The following STK10 variants were observed in gnomAD, a reference collection of about 807,000 sequenced individuals.
STK10 encodes serine/threonine kinase 10.
A neutral mutation model predicts 113.8 loss-of-function variants in STK10; 78 were observed. That is an observed-to-expected ratio of 0.69 (90% CI 0.57 to 0.83). STK10 has a LOEUF of 0.83. Ranked by LOEUF, STK10 falls within the 40% of genes least tolerant of loss-of-function variation. The pLI, the probability that STK10 is intolerant of heterozygous loss-of-function variation, is 0.00. For synonymous variants in STK10, 465 were observed against 494.7 expected (o/e 0.94, Z 0.80); for missense variants, 1,109 against 1,280.1 (o/e 0.87, Z 2.04).
At chr5:172,172,076 G>A (rs6863993) in intron 1 of STK10, among the ~76,000 whole-genome samples, 6,049 of 152,240 alleles carry the variant, frequency 0.04, 367 homozygotes, top group African/African-American at 0.13. Flanking sequence ...TATAGTCCCA[G>A]CTACTCGGGA....
At chr5:172,070,669 A>G (rs1048443261) in intron 12 of STK10, among the ~76,000 whole-genome samples, 1 of 152,144 alleles carries the variant, frequency 6.6e-6, no homozygotes, top group African/African-American at 2.4e-5. Flanking sequence ...AATCAATGAA[A>G]CCAAAAGCTG....
chr5:172,045,319 G>A (rs1767472942), intron 18 of STK10: 1 of 548,032 alleles, frequency 1.8e-6, no homozygotes, highest in Non-Finnish European at 3.4e-6. Context: ...CCCCTGGCAG[G>A]AAAACAGCCA....
intron 1 of STK10, among the ~76,000 whole-genome samples, chr5:172,178,389 C>T (rs142444150): frequency 3.0e-4 from 46 of 152,246 alleles, no homozygotes; most frequent in Admixed American, 6.5e-4. Flanking sequence ...TCCCGCCTGC[C>T]GTACCAGGTG....
chr5:172,098,013 G>A (rs760901194), intron 7 of STK10, among the ~76,000 whole-genome samples: 11 of 152,176 alleles, frequency 7.2e-5, no homozygotes, highest in African/African-American at 1.4e-4. Flanking sequence ...ATGGGGTGGG[G>A]TGGGAGGCAT....
intron 3 of STK10, among the ~76,000 whole-genome samples, chr5:172,119,390 G>A (rs60862963): frequency 0.023 from 3,510 of 152,128 alleles, 141 homozygotes; most frequent in African/African-American, 0.081. Flanking sequence ...GTTCTGAGTG[G>A]GCCAGACACA....
intron 2 of STK10, among the ~76,000 whole-genome samples, chr5:172,146,143 A>G (rs1770082317): frequency 6.6e-6 from 1 of 152,200 alleles, no homozygotes; most frequent in South Asian, 2.1e-4. Context: ...TGCCCCCTGT[A>G]GAATGTAAAT....
At position 172,150,047 on chromosome 5, in the gene STK10, CAAAAAAAAAA is replaced by C. The variant is rs35745235; in HGVS notation, c.321+6567_321+6576del. Among the ~76,000 whole-genome samples, 75 of 87,110 alleles carry C rather than the reference CAAAAAAAAAA, an allele frequency of 8.6e-4. 1 individual carries two copies. The highest frequency in any genetic ancestry group is 8.4e-3 in the Admixed American group (60 of 7,136). 57.1% of individuals were successfully genotyped at this position (87,110 alleles called of 152,430 possible). A position where few individuals can be genotyped will look rare whatever the true frequency, so the allele number is the denominator to read the frequency against. ...GGGCAACAAGAACAAAACTTTGTCT[CAAAAAAAAAA>C]AAAAAAAAAAGAAAGAAAGACCTCC... On this transcript the variant is annotated intron_variant, in intron 2 of 18. Transcript: ENST00000176763.
rs34385866 is a variant in STK10 at position 172,139,900 on chromosome 5, C to CAAA, written c.322-12482_322-12480dup. On this transcript the variant is annotated intron_variant, in intron 2 of 18. Transcript: ENST00000176763. ...ATGGATATTACACCAAAAGCACAGC[C>CAAA]AAAAAAAAAAAAAAAAAACCCAAAA... Among the ~76,000 whole-genome samples the CAAA allele has an allele frequency of 8.8e-3, 809 of 92,180 alleles. 13 individuals carry two copies. Among genetic ancestry groups the CAAA allele is most frequent in the African/African-American group, 0.025 (640 of 25,584 alleles). 60.5% of individuals were successfully genotyped at this position (92,180 alleles called of 152,430 possible). A position where few individuals can be genotyped will look rare whatever the true frequency, so the allele number is the denominator to read the frequency against.
intron 1 of STK10, among the ~76,000 whole-genome samples, chr5:172,157,078 A>C (rs1770365335): frequency 6.6e-6 from 1 of 152,230 alleles, no homozygotes; most frequent in Non-Finnish European, 1.5e-5. Context: ...GAAGAAAAAA[A>C]CCCAAGTCAT....
intron 9 of STK10, among the ~76,000 whole-genome samples, chr5:172,091,532 T>C (rs1452178118): frequency 1.1e-5 from 1 of 87,254 alleles, no homozygotes; most frequent in East Asian, 2.2e-4. Context: ...TCAAAGCCTC[T>C]TTTTTTTTTT....
At chr5:172,152,687 G>C (rs1033726197) in intron 2 of STK10, among the ~76,000 whole-genome samples, 1 of 152,208 alleles carries the variant, frequency 6.6e-6, no homozygotes, top group Non-Finnish European at 1.5e-5. Flanking sequence ...AAACGTTTAA[G>C]AATGTTGGAA....
chr5:172,160,392 T>C (rs1770447105), intron 1 of STK10, among the ~76,000 whole-genome samples: 1 of 151,644 alleles, frequency 6.6e-6, no homozygotes. Context: ...GGAGAACTGC[T>C]TGAACCTGGG....
At position 172,043,242 on chromosome 5, in the gene STK10, G is replaced by GC. The variant is rs1454574663; in HGVS notation, c.*1639dup. Reference sequence around the variant, plus strand: ...CCCGAGTAGCTGGGATTATAGGCATGCACCACCACGCCTGGCTAATTTTTG... The same window carrying GC: ...CCCGAGTAGCTGGGATTATAGGCATGCCACCACCACGCCTGGCTAATTTTTG... On this transcript the variant is annotated 3_prime_UTR_variant, in exon 19 of 19. Coordinates refer to ENST00000176763, the MANE Select transcript of STK10 (RefSeq NM_005990.4). 1 of 152,226 alleles carries GC rather than the reference G, an allele frequency of 6.6e-6. No homozygotes were observed. Among genetic ancestry groups the GC allele is most frequent in the Non-Finnish European group, 1.5e-5 (1 of 68,134 alleles). The allele number at this position is 152,226 out of a possible 1,614,324, so 9.4% of individuals were successfully genotyped here.
chr5:172,122,113 G>A lies in STK10; in HGVS notation c.371-4483C>T, dbSNP rs142289911. Among the ~76,000 whole-genome samples, 1,197 of 152,192 alleles carry A rather than the reference G, an allele frequency of 7.9e-3. 26 individuals carry two copies. Among genetic ancestry groups the A allele is most frequent in the African/African-American group, 0.028 (1,148 of 41,516 alleles). ...CAACTCCTGACCTTGTGATCCACCC[G>A]CCGCAGCCTTCCTAAGTGCTGGGAT... On this transcript the variant is annotated intron_variant, in intron 3 of 18. Coordinates refer to ENST00000176763, the MANE Select transcript of STK10 (RefSeq NM_005990.4).
chr5:172,084,066 C>T (rs1768496169), intron 10 of STK10, among the ~76,000 whole-genome samples: 1 of 151,350 alleles, frequency 6.6e-6, no homozygotes, highest in Non-Finnish European at 1.5e-5. Context: ...TTAAAAAAAT[C>T]AAGTTTTAGA....
chr5:172,145,802 GA>G (rs1743617836), intron 2 of STK10, among the ~76,000 whole-genome samples: 1 of 152,190 alleles, frequency 6.6e-6, no homozygotes, highest in Non-Finnish European at 1.5e-5. Flanking sequence ...ATCACACAGG[GA>G]AAGCCTGTAG....
chr5:172,078,958 C>T (rs1768372750), intron 12 of STK10, among the ~76,000 whole-genome samples: 1 of 151,818 alleles, frequency 6.6e-6, no homozygotes, highest in African/African-American at 2.4e-5. Context: ...CACACACACA[C>T]ACACACACAC....
chr5:172,154,268 T>C (rs753349892), intron 2 of STK10, among the ~76,000 whole-genome samples: 30 of 152,338 alleles, frequency 2.0e-4, no homozygotes, highest in Non-Finnish European at 4.3e-4. Context: ...CCAAGGGTTG[T>C]ACTTTGAGAA....
At position 172,055,708 on chromosome 5, in the gene STK10, T is replaced by TTCCTGTTGCTGCCGCACCTTC; in HGVS notation, c.2385_2405dup (p.Val797_Lys803dup). The TTCCTGTTGCTGCCGCACCTTC allele has an allele frequency of 1.3e-6, 2 of 1,583,046 alleles. No homozygotes were observed. Among genetic ancestry groups the TTCCTGTTGCTGCCGCACCTTC allele is most frequent in the Non-Finnish European group, 1.7e-6 (2 of 1,161,742 alleles). ...TCTGGATCTTGGGCAGCCGCGCCTT[T>TTCCTGTTGCTGCCGCACCTTC]TCCTGTTGCTGCCGCACCTTCAGCT... On this transcript the variant is annotated inframe_insertion, in exon 16 of 19. Coordinates refer to ENST00000176763, the MANE Select transcript of STK10 (RefSeq NM_005990.4).
Sources: allele counts gnomAD v4.1 joint callset (sites outside exome capture counted in the v4.1 genomes callset), GRCh38; gene constraint gnomAD v4.1.1; transcripts MANE v1.5; gene names NCBI Gene and HGNC (gene_info 2026-07-23, HGNC 2026-07-21).